Variants in ICE1 observed in about 807,000 individuals in gnomAD.
The protein encoded by ICE1 is interactor of little elongation complex ELL subunit 1.
A neutral mutation model predicts 192.7 loss-of-function variants in ICE1; 64 were observed. That is an observed-to-expected ratio of 0.33 (90% CI 0.27 to 0.41). The LOEUF is 0.41. ICE1 is among the 10% of genes least tolerant of loss of function. The probability of loss-of-function intolerance (pLI) is 1.00; values close to 1 mark genes in which losing one functional copy is unlikely to be tolerated. For synonymous variants in ICE1, 1,010 were observed against 984.5 expected, an observed-to-expected ratio of 1.03 and a Z score of -0.49; for missense variants, 2,708 against 2,696.0, an observed-to-expected ratio of 1.00 and a Z score of -0.10.
At chr5:5,434,074 GA>G (rs1400879270) in intron 1 of ICE1, among the ~76,000 whole-genome samples, 3 of 152,114 alleles carry the variant, frequency 2.0e-5, no homozygotes, top group African/African-American at 7.2e-5. Context: ...GTAGTTCACT[GA>G]AATTAATAAA....
intron 17 of ICE1, among the ~76,000 whole-genome samples, chr5:5,484,326 A>G (rs1050034583): frequency 6.6e-6 from 1 of 152,210 alleles, no homozygotes; most frequent in Non-Finnish European, 1.5e-5. Context: ...TTATAACATG[A>G]TGATATATTT....
Position 5,463,866 on chromosome 5 carries a change from G to T in ICE1, c.4532G>T (p.Arg1511Leu). The change falls in exon 13 of 19, where the codon CGA becomes CTA. Residue 1511 changes from arginine (R) to leucine (L), a missense_variant. By Grantham distance (102) the Arg-to-Leu change is moderately radical. Transcript: ENST00000296564. Reference sequence around the variant, plus strand: ...ACCAACTTTGATAAGAGTCGTTTGCGAAATAGACCCGTTAAGCCTAGTATA... The same window carrying T: ...ACCAACTTTGATAAGAGTCGTTTGCTAAATAGACCCGTTAAGCCTAGTATA... The part of the protein sequence containing the change: ...QSTNFDKSRL[R>L]NRPVKPSIWI... The T allele has an allele frequency of 6.2e-7, 1 of 1,613,878 alleles. No homozygotes were observed.
Position 5,435,692 on chromosome 5 carries a change from T to C in ICE1, c.85-726T>C, listed in dbSNP as rs535514446. On this transcript the variant is annotated intron_variant, in intron 1 of 18. Coordinates refer to ENST00000296564, the MANE Select transcript of ICE1 (RefSeq NM_015325.3). Reference sequence around the variant, plus strand: ...TTTTTTGTTTTGTTTTTGTTTTTTTTTTCGAGATGGAATCTCACTGTCACT... The same window carrying C: ...TTTTTTGTTTTGTTTTTGTTTTTTTCTTCGAGATGGAATCTCACTGTCACT... 4.0e-4 allele frequency among the ~76,000 whole-genome samples: 44 copies of C among 110,280 alleles called. No homozygotes were observed. In the East Asian group the frequency reaches 0.013, roughly 33 times the overall value. The allele number at this position is 110,280 out of a possible 152,430, so 72.3% of individuals were successfully genotyped here. A position where few individuals can be genotyped will look rare whatever the true frequency, so the allele number is the denominator to read the frequency against.
At chr5:5,443,269 G>T in intron 6 of ICE1, 25 bp downstream of exon 6, 1 of 1,230,916 alleles carries the variant, frequency 8.1e-7, no homozygotes, top group Non-Finnish European at 1.1e-6. Context: ...AATTACTATA[G>T]AAATACGGTT....
intron 15 of ICE1, among the ~76,000 whole-genome samples, chr5:5,471,986 G>A (rs1030923400): frequency 2.6e-5 from 4 of 151,980 alleles, no homozygotes; most frequent in African/African-American, 4.8e-5. Flanking sequence ...TTTTAAAAAA[G>A]CATTTAAATT....
chr5:5,436,345 AAAT>A lies in ICE1; in HGVS notation c.85-69_85-67del, dbSNP rs200823856. The stretch of plus-strand genomic sequence containing the variant: ...AATTATTAAAATTCTTAGATATGAT[AAAT>A]AATGTTACAGACAATAATTATATTT... On this transcript the variant is annotated intron_variant, in intron 1 of 18. Transcript: ENST00000296564. 5,878 of 890,276 alleles carry A rather than the reference AAAT, an allele frequency of 6.6e-3. 45 individuals carry two copies. Among genetic ancestry groups the A allele is most frequent in the East Asian group, 0.035 (1,157 of 33,298 alleles). The allele number at this position is 890,276 out of a possible 1,614,324, so 55.1% of individuals were successfully genotyped here.
intron 10 of ICE1, among the ~76,000 whole-genome samples, chr5:5,452,726 T>G (rs2964159): frequency 0.72 from 109,875 of 152,058 alleles, 39,857 homozygotes; most frequent in Middle Eastern, 0.81. Context: ...AACTGAATAA[T>G]GATTACGCTC....
intron 14 of ICE1, among the ~76,000 whole-genome samples, chr5:5,466,863 A>G (rs1739001411): frequency 6.6e-6 from 1 of 152,178 alleles, no homozygotes; most frequent in Admixed American, 6.5e-5. Flanking sequence ...TTAAGATGGA[A>G]TTGTAAGCTG....
intron 12 of ICE1, among the ~76,000 whole-genome samples, chr5:5,460,150 G>T (rs1003158797): frequency 6.6e-6 from 1 of 152,150 alleles, no homozygotes; most frequent in Non-Finnish European, 1.5e-5. Flanking sequence ...AAAGTTAAGA[G>T]AAACATAACC....
intron 2 of ICE1, among the ~76,000 whole-genome samples, chr5:5,436,819 T>G (rs748832505): frequency 3.9e-5 from 6 of 152,208 alleles, no homozygotes; most frequent in Non-Finnish European, 7.3e-5. Flanking sequence ...TTTCCTATTT[T>G]TTTTGTTTTC....
intron 17 of ICE1, among the ~76,000 whole-genome samples, chr5:5,479,274 G>T (rs1451309226): frequency 6.6e-6 from 1 of 151,490 alleles, no homozygotes; most frequent in Non-Finnish European, 1.5e-5. Context: ...CTATCAAAAA[G>T]TGGGCAAAGG....
intron 1 of ICE1, among the ~76,000 whole-genome samples, chr5:5,429,226 C>T (rs186770889): frequency 3.3e-5 from 5 of 152,224 alleles, no homozygotes; most frequent in African/African-American, 9.6e-5. Flanking sequence ...CTTGTAGGCA[C>T]CCTCTGCCTA....
In ICE1 at chr5:5,462,150, C is replaced by A; in HGVS notation, c.2816C>A (p.Ser939Tyr). Residue 939 changes from serine (S) to tyrosine (Y), a missense_variant, in exon 13 of 19, where the codon TCT (serine) becomes TAT (tyrosine). By Grantham distance (144) the Ser-to-Tyr change is moderately radical (BLOSUM62 -2). Coordinates refer to ENST00000296564, the MANE Select transcript of ICE1 (RefSeq NM_015325.3). ...TCTAGGAGAAAATTAGATTTTAATT[C>A]TCCAGGTGGTTCTTCACCAGTAGAA... is the stretch of plus-strand genomic sequence containing the variant. ...SASRRKLDFN[S>Y]PGGSSPVENS... 1.9e-6 allele frequency: 3 copies of A among 1,613,766 alleles called. No homozygotes were observed. Among genetic ancestry groups the A allele is most frequent in the Non-Finnish European group, 2.5e-6 (3 of 1,179,712 alleles).
intron 3 of ICE1, among the ~76,000 whole-genome samples, chr5:5,438,405 T>G (rs1737942267): frequency 6.6e-6 from 1 of 152,236 alleles, no homozygotes; most frequent in South Asian, 2.1e-4. Context: ...GAGATATCCT[T>G]TAGATTTATT....
chr5:5,433,184 A>G lies in ICE1; in HGVS notation c.85-3234A>G, dbSNP rs867013747. Among the ~76,000 whole-genome samples the G allele has an allele frequency of 2.6e-5, 4 of 152,304 alleles. No individual in the cohort carries two copies. The South Asian group carries it at 8.3e-4, about 32-fold the overall frequency. On this transcript the variant is annotated intron_variant, in intron 1 of 18. Transcript: ENST00000296564. Reference sequence around the variant, plus strand: ...TTTATTTAATCTTTATGCTTTTGACATAGTACACCTGCCCCAAGGGTCCCT... The same window carrying G: ...TTTATTTAATCTTTATGCTTTTGACGTAGTACACCTGCCCCAAGGGTCCCT...
rs190030030 is a variant in ICE1, at chr5:5,459,060, A to G, written c.1101+1319A>G. 4.5e-3 allele frequency among the ~76,000 whole-genome samples: 686 copies of G among 152,134 alleles called. 6 individuals carry two copies. Among genetic ancestry groups the G allele is most frequent in the African/African-American group, 0.016 (649 of 41,512 alleles). Reference sequence around the variant, plus strand: ...GCTAATTTTTTTGCATTTTCAGTAGAGATGGGGTTTCACCGTGTTAGCCAG... The same window carrying G: ...GCTAATTTTTTTGCATTTTCAGTAGGGATGGGGTTTCACCGTGTTAGCCAG... On this transcript the variant is annotated intron_variant, in intron 12 of 18. Coordinates refer to ENST00000296564, the MANE Select transcript of ICE1 (RefSeq NM_015325.3).
At chr5:5,477,811 T>C (rs1309810537) in intron 17 of ICE1, among the ~76,000 whole-genome samples, 1 of 152,206 alleles carries the variant, frequency 6.6e-6, no homozygotes, top group Non-Finnish European at 1.5e-5. Context: ...AACCCTGGGA[T>C]GCAAGGCTGG....
At chr5:5,479,335 GA>G (rs1739430390) in intron 17 of ICE1, among the ~76,000 whole-genome samples, 1 of 152,170 alleles carries the variant, frequency 6.6e-6, no homozygotes, top group East Asian at 1.9e-4. Flanking sequence ...CAACAAACAT[GA>G]AAAAAAGCTC....
In ICE1 at chr5:5,463,989, A is replaced by G; in HGVS notation, c.4655A>G (p.Asn1552Ser). 1.9e-6 allele frequency: 3 copies of G among 1,613,888 alleles called. No individual in the cohort carries two copies. The highest frequency in any genetic ancestry group is 2.5e-6 in the Non-Finnish European group (3 of 1,179,858). Residue 1552 changes from asparagine to serine, a missense_variant, in exon 13 of 19, where the codon AAT becomes AGT. Asn to Ser is a conservative substitution (Grantham distance 46). Transcript: ENST00000296564. ...YNSKLEPSGK[N>S]KNRSKISNKD... is the part of the protein sequence containing the mutation. ...TCAAAACTAGAGCCATCTGGCAAAA[A>G]TAAGAATCGATCAAAGATTTCAAAC...
Sources: allele counts gnomAD v4.1 joint callset (sites outside exome capture counted in the v4.1 genomes callset), GRCh38; gene constraint gnomAD v4.1.1; transcripts MANE v1.5; gene names NCBI Gene and HGNC (gene_info 2026-07-23, HGNC 2026-07-21).